Variants in PIEZO1 observed in about 807,000 individuals in gnomAD.
PIEZO1 encodes piezo type mechanosensitive ion channel component 1 (Er blood group).
A neutral mutation model predicts 297.2 loss-of-function variants in PIEZO1; 296 were observed. The observed-to-expected ratio is 1.00, with a 90% confidence interval of 0.91 to 1.10. The LOEUF (loss-of-function observed/expected upper bound fraction) is 1.10, where lower values mean the gene tolerates loss of function less well. PIEZO1 is among the 50% of genes least tolerant of loss of function. The pLI is 0.00. For missense variants in PIEZO1, 5,018 were observed against 3,455.5 expected (o/e 1.45, Z -11.34); for synonymous variants, 2,427 against 1,507.5 (o/e 1.61, Z -14.13).
At position 88,734,486 on chromosome 16, in the gene PIEZO1, T is replaced by C; in HGVS notation, c.2050A>G (p.Ile684Val). ...AGGAGGAAGAAGCCGGGCACCAGGATGCTGGAGAAGAGCTCGGACACGCTG... is the reference window on the plus strand; with the variant it reads ...AGGAGGAAGAAGCCGGGCACCAGGACGCTGGAGAAGAGCTCGGACACGCTG... Reference protein sequence around the residue: ...QFSVSELFSSILVPGFFLLAC... With the variant: ...QFSVSELFSSVLVPGFFLLAC... The change falls in exon 16 of 51, where the codon ATC becomes GTC. Residue 684 changes from isoleucine (I) to valine (V), a missense_variant. Ile to Val is a conservative substitution (Grantham distance 29). Coordinates refer to ENST00000301015, the MANE Select transcript of PIEZO1 (RefSeq NM_001142864.4). The C allele has an allele frequency of 6.5e-7, 1 of 1,549,464 alleles. No homozygotes were observed. Among genetic ancestry groups the C allele is most frequent in the Non-Finnish European group, 8.7e-7 (1 of 1,146,498 alleles).
chr16:88,762,562 G>C (rs1906981617), intron 1 of PIEZO1, among the ~76,000 whole-genome samples: 1 of 152,234 alleles, frequency 6.6e-6, no homozygotes. Context: ...GCCAAGGGTA[G>C]ACCCCCAGTG....
At chr16:88,777,774 G>T (rs1009646816) in intron 1 of PIEZO1, among the ~76,000 whole-genome samples, 2 of 152,240 alleles carry the variant, frequency 1.3e-5, no homozygotes, top group African/African-American at 4.8e-5. Flanking sequence ...GGCCTTGGGG[G>T]GTCCAGGAGG....
intron 10 of PIEZO1, 37 bp from the exon 11 acceptor site, chr16:88,736,776 A>C (rs1260578908): frequency 7.4e-7 from 1 of 1,343,304 alleles, no homozygotes; most frequent in Non-Finnish European, 1.0e-6. Context: ...CGGCAGGTTG[A>C]TCTGCAGGCC....
chr16:88,774,199 G>A (rs1019305226), intron 1 of PIEZO1, among the ~76,000 whole-genome samples: 11 of 152,164 alleles, frequency 7.2e-5, no homozygotes, highest in African/African-American at 2.7e-4. Context: ...ACAGGATGGC[G>A]ACGCCCAGTG....
intron 1 of PIEZO1, among the ~76,000 whole-genome samples, chr16:88,781,344 C>T (rs1290735158): frequency 1.3e-5 from 2 of 152,238 alleles, no homozygotes; most frequent in East Asian, 3.8e-4. Flanking sequence ...CTCCCTGTGT[C>T]CTGGGCACCA....
chr16:88,783,511 C>T (rs1278956101), intron 1 of PIEZO1, among the ~76,000 whole-genome samples: 1 of 152,220 alleles, frequency 6.6e-6, no homozygotes, highest in Non-Finnish European at 1.5e-5. Flanking sequence ...TCAGTGTGAA[C>T]GGGACGTTTC....
Position 88,726,369 on chromosome 16 carries a change from G to T in PIEZO1, c.3883C>A (p.Leu1295Met). 6.4e-7 allele frequency: 1 copy of T among 1,550,442 alleles called. No homozygotes were observed. The highest frequency in any genetic ancestry group is 1.4e-5 in the African/African-American group (1 of 73,188). ...IIWDSVCFFF[L>M]LLQRRVFLSH... ...AGGAAGACGCGGCGCTGCAGCAGCA[G>T]GAAGAAGAAGCAGACGCTGTCCCAG... The change falls in exon 27 of 51, where the codon CTG (leucine) becomes ATG (methionine). Residue 1295 changes from leucine to methionine, a missense_variant. Leu to Met is a conservative substitution (Grantham distance 15). Coordinates refer to ENST00000301015, the MANE Select transcript of PIEZO1 (RefSeq NM_001142864.4).
At chr16:88,766,265 A>C (rs942053866) in intron 1 of PIEZO1, among the ~76,000 whole-genome samples, 3 of 152,166 alleles carry the variant, frequency 2.0e-5, no homozygotes, top group Admixed American at 2.0e-4. Context: ...GTGTCGCCTA[A>C]GGGCCCGGAG....
At position 88,715,426 on chromosome 16, in the gene PIEZO1, C is replaced by A; in HGVS notation, c.*179G>T. The A allele has an allele frequency of 1.1e-6, 1 of 923,236 alleles. No homozygotes were observed. Among genetic ancestry groups the A allele is most frequent in the Non-Finnish European group, 1.6e-6 (1 of 623,722 alleles). The allele number at this position is 923,236 out of a possible 1,614,324, so 57.2% of individuals were successfully genotyped here. A position where few individuals can be genotyped will look rare whatever the true frequency, so the allele number is the denominator to read the frequency against. On this transcript the variant is annotated 3_prime_UTR_variant, in exon 51 of 51. Transcript: ENST00000301015. ...TGGGGGACGGCAGCGCCACGCAGGCCGTGGGGACGCAGTGTCCTTCTCTGA... is the reference window on the plus strand; with the variant it reads ...TGGGGGACGGCAGCGCCACGCAGGCAGTGGGGACGCAGTGTCCTTCTCTGA...
At chr16:88,778,911 G>C (rs1907798723) in intron 1 of PIEZO1, among the ~76,000 whole-genome samples, 1 of 152,208 alleles carries the variant, frequency 6.6e-6, no homozygotes, top group African/African-American at 2.4e-5. Flanking sequence ...CCAGCTGGGA[G>C]AGAGACCCAG....
At chr16:88,745,901 G>A (rs11642389) in intron 2 of PIEZO1, among the ~76,000 whole-genome samples, 10 of 151,964 alleles carry the variant, frequency 6.6e-5, no homozygotes, top group African/African-American at 1.5e-4. Context: ...CTTGGACCCC[G>A]GCACGGCCTG....
intron 1 of PIEZO1, among the ~76,000 whole-genome samples, chr16:88,763,931 G>C (rs1465824156): frequency 6.6e-6 from 1 of 152,202 alleles, no homozygotes; most frequent in Non-Finnish European, 1.5e-5. Context: ...CTGTACACCT[G>C]CACACAGGGT....
chr16:88,727,284 G>A (rs977916657), intron 23 of PIEZO1, 92 bp from the exon 24 acceptor site: 77 of 1,365,484 alleles, frequency 5.6e-5, no homozygotes, highest in Admixed American at 1.6e-4. Context: ...CAGGCCTGTC[G>A]GCGTGCAGCC....
Position 88,716,709 on chromosome 16 carries a change from T to A in PIEZO1, c.6776A>T (p.Gln2259Leu). The A allele has an allele frequency of 6.5e-7, 1 of 1,548,482 alleles. No homozygotes were observed. The highest frequency in any genetic ancestry group is 1.2e-5 in the South Asian group (1 of 84,054). ...CGTGACGATGTCCTCAGGGCTGTAC[T>A]GGCTGATGAACTGCATGGCCAGCTG... ...PQPLAMQFIS[Q>L]YSPEDIVTAQ... Residue 2259 changes from glutamine to leucine, a missense_variant, in exon 47 of 51, where the codon CAG becomes CTG. By Grantham distance (113) the Gln-to-Leu change is moderately radical. Coordinates refer to ENST00000301015, the MANE Select transcript of PIEZO1 (RefSeq NM_001142864.4).
At position 88,736,234 on chromosome 16, in the gene PIEZO1, C is replaced by T. The variant is rs1450628174; in HGVS notation, c.1471G>A (p.Glu491Lys). Residue 491 changes from glutamate to lysine, a missense_variant, in exon 12 of 51, where the codon GAG becomes AAG. Coordinates refer to ENST00000301015, the MANE Select transcript of PIEZO1 (RefSeq NM_001142864.4). Reference protein sequence around the residue: ...RYVWAMDLRPELPTTLGPVSL... With the variant: ...RYVWAMDLRPKLPTTLGPVSL... The stretch of plus-strand genomic sequence containing the variant: ...ACGGGGCCCAGGGTGGTGGGCAGCT[C>T]AGGGCGCAGGTCCATGGCCCACACG... The T allele has an allele frequency of 2.6e-6, 4 of 1,550,004 alleles. No homozygotes were observed. The Admixed American group carries it at 5.9e-5, about 23-fold the overall frequency.
At chr16:88,755,310 C>T (rs1318998124) in intron 1 of PIEZO1, among the ~76,000 whole-genome samples, 1 of 152,248 alleles carries the variant, frequency 6.6e-6, no homozygotes, top group East Asian at 1.9e-4. Flanking sequence ...CGGAATGCCT[C>T]CAGACTGGCT....
intron 41 of PIEZO1, 46 bp downstream of exon 41, chr16:88,720,339 T>C (rs1452917249): frequency 1.3e-6 from 2 of 1,550,108 alleles, no homozygotes; most frequent in Non-Finnish European, 1.7e-6. Context: ...TGTGGGTGGC[T>C]GCTGAGCTCT....
At position 88,749,443 on chromosome 16, in the gene PIEZO1, T is replaced by C. The variant is rs1002345695; in HGVS notation, c.101A>G (p.Tyr34Cys). The change falls in exon 2 of 51, where the codon TAC (tyrosine) becomes TGC (cysteine). Residue 34 changes from tyrosine (Y) to cysteine (C), a missense_variant. Tyr to Cys is a radical substitution (Grantham distance 194). Transcript: ENST00000301015. ...GGGCAGCAGCAGCAGGAAGAGCAGG[T>C]AGACCAGCGAGAGTCCGCTGAAGCG... Reference protein sequence around the residue: ...LLRFSGLSLVYLLFLLLLPWF... With the variant: ...LLRFSGLSLVCLLFLLLLPWF... 4 of 1,522,950 alleles carry C rather than the reference T, an allele frequency of 2.6e-6. No individual in the cohort carries two copies. Among genetic ancestry groups the C allele is most frequent in the Non-Finnish European group, 3.5e-6 (4 of 1,141,844 alleles). 94.3% of individuals were successfully genotyped at this position (1,522,950 alleles called of 1,614,324 possible). A position where few individuals can be genotyped will look rare whatever the true frequency, so the allele number is the denominator to read the frequency against.
intron 45 of PIEZO1, 56 bp from the exon 46 acceptor site, chr16:88,716,954 G>A: frequency 1.3e-6 from 2 of 1,544,190 alleles, no homozygotes; most frequent in Non-Finnish European, 1.8e-6. Flanking sequence ...GAGCGGCTGG[G>A]GGTGGTGCAC....
Sources: allele counts gnomAD v4.1 joint callset (sites outside exome capture counted in the v4.1 genomes callset), GRCh38; gene constraint gnomAD v4.1.1; transcripts MANE v1.5; gene names NCBI Gene and HGNC (gene_info 2026-07-23, HGNC 2026-07-21).